The following PICALM variants were observed in gnomAD, a reference collection of about 807,000 sequenced individuals.
PICALM encodes phosphatidylinositol binding clathrin assembly protein.
In PICALM, 40 loss-of-function variants were observed where a neutral mutation model predicts 80.5. That is an observed-to-expected ratio of 0.50 (90% CI 0.39 to 0.65). The LOEUF (loss-of-function observed/expected upper bound fraction) is 0.65, where lower values mean the gene tolerates loss of function less well. PICALM is among the 30% of genes least tolerant of loss of function. The probability of loss-of-function intolerance (pLI) is 0.00; values close to 1 mark genes in which losing one functional copy is unlikely to be tolerated. For synonymous variants in PICALM, 288 were observed against 260.3 expected (o/e 1.11, Z -1.02); for missense variants, 676 against 778.9 (o/e 0.87, Z 1.57).
At chr11:86,068,371 G>T (rs986993493) in intron 1 of PICALM, among the ~76,000 whole-genome samples, 2 of 152,124 alleles carry the variant, frequency 1.3e-5, no homozygotes. Flanking sequence ...AAGTTGGTTG[G>T]GTATGATGGG....
intron 1 of PICALM, among the ~76,000 whole-genome samples, chr11:86,064,577 A>T (rs1357411571): frequency 6.6e-6 from 1 of 151,482 alleles, no homozygotes; most frequent in Non-Finnish European, 1.5e-5. Flanking sequence ...GAACCCGGGA[A>T]GTCAAGGCTG....
chr11:85,981,531 C>T lies in PICALM; in HGVS notation c.1679+214G>A, dbSNP rs553349833. ...CTGAGGCAGAAGAACGGCGTGAATC[C>T]GGGAGGCGGAGCTTGCAGTGGGCCG... On this transcript the variant is annotated intron_variant, in intron 16 of 19. Coordinates refer to ENST00000393346, the MANE Select transcript of PICALM (RefSeq NM_007166.4). 7.3e-5 allele frequency among the ~76,000 whole-genome samples: 11 copies of T among 151,584 alleles called. No homozygotes were observed. The South Asian group carries it at 1.7e-3, about 23-fold the overall frequency.
At chr11:86,007,970 A>T (rs919538071) in intron 7 of PICALM, among the ~76,000 whole-genome samples, 4 of 151,958 alleles carry the variant, frequency 2.6e-5, no homozygotes, top group Admixed American at 1.3e-4. Context: ...AAAAAAAAAA[A>T]TTTAAGAAAC....
At chr11:85,999,850 TAAAAAC>T (rs914114441) in intron 11 of PICALM, among the ~76,000 whole-genome samples, 1 of 152,212 alleles carries the variant, frequency 6.6e-6, no homozygotes, top group African/African-American at 2.4e-5. Context: ...GGGAGCATCT[TAAAAAC>T]AAAAATTCTT....
intron 13 of PICALM, among the ~76,000 whole-genome samples, chr11:85,986,425 C>T (rs1349695806): frequency 1.6e-5 from 2 of 127,098 alleles, no homozygotes; most frequent in Non-Finnish European, 3.1e-5. Context: ...GCTCTGTCAC[C>T]CAGGCCGGAC....
intron 19 of PICALM, among the ~76,000 whole-genome samples, chr11:85,961,850 T>C (rs2093698577): frequency 7.1e-6 from 1 of 139,880 alleles, no homozygotes; most frequent in Admixed American, 7.4e-5. Flanking sequence ...TTCATTTCTT[T>C]CTACCTATTT....
At chr11:85,980,784 G>A (rs916528468) in intron 17 of PICALM, among the ~76,000 whole-genome samples, 4 of 152,142 alleles carry the variant, frequency 2.6e-5, no homozygotes, top group Admixed American at 2.0e-4. Context: ...TAAGATCTCT[G>A]TAATCCTGAG....
chr11:85,998,983 CAAT>C (rs2095061421), intron 11 of PICALM, among the ~76,000 whole-genome samples: 1 of 152,134 alleles, frequency 6.6e-6, no homozygotes, highest in Admixed American at 6.5e-5. Flanking sequence ...AATGGATATA[CAAT>C]AATTGTACAT....
chr11:85,996,988 T>G, intron 11 of PICALM, 59 bp from the exon 12 acceptor site: 4 of 958,258 alleles, frequency 4.2e-6, no homozygotes, highest in Non-Finnish European at 6.7e-6. Flanking sequence ...TACTTTAGTG[T>G]CACCTTCTCC....
intron 7 of PICALM, among the ~76,000 whole-genome samples, chr11:86,008,118 A>G (rs751786386): frequency 3.9e-5 from 6 of 152,322 alleles, no homozygotes; most frequent in South Asian, 2.1e-4. Flanking sequence ...TAATCAGGAT[A>G]TAACTGTCTT....
intron 12 of PICALM, among the ~76,000 whole-genome samples, chr11:85,992,126 G>T (rs554882215): frequency 6.6e-6 from 1 of 152,066 alleles, no homozygotes; most frequent in Non-Finnish European, 1.5e-5. Context: ...GGGATTACAG[G>T]CATGAGCCAA....
intron 1 of PICALM, among the ~76,000 whole-genome samples, chr11:86,057,888 A>G (rs191438983): frequency 7.8e-4 from 119 of 152,262 alleles, no homozygotes; most frequent in African/African-American, 2.8e-3. Flanking sequence ...GGATTTTCTT[A>G]TCTGTGGGAG....
chr11:85,977,114 A>C (rs1170833248), intron 17 of PICALM: 1 of 153,404 alleles, frequency 6.5e-6, no homozygotes, highest in African/African-American at 2.4e-5. Flanking sequence ...AAAAAATGTA[A>C]AGATCTCAAA....
At chr11:86,034,235 T>C (rs1487394025) in intron 1 of PICALM, among the ~76,000 whole-genome samples, 1 of 152,168 alleles carries the variant, frequency 6.6e-6, no homozygotes, top group African/African-American at 2.4e-5. Flanking sequence ...GGGGAGGATA[T>C]TGAATAAAAT....
At chr11:86,035,210 G>A (rs1035771639) in intron 1 of PICALM, among the ~76,000 whole-genome samples, 8 of 151,570 alleles carry the variant, frequency 5.3e-5, no homozygotes, top group Non-Finnish European at 1.2e-4. Context: ...TATTCCTAGT[G>A]TAGGCCTTTA....
chr11:86,022,836 A>T (rs1397714271), intron 3 of PICALM, among the ~76,000 whole-genome samples: 1 of 152,124 alleles, frequency 6.6e-6, no homozygotes, highest in East Asian at 1.9e-4. Flanking sequence ...CCACAATCCC[A>T]TTCCTCAAAT....
chr11:86,065,033 TGA>T (rs1335749152), intron 1 of PICALM, among the ~76,000 whole-genome samples: 1 of 152,110 alleles, frequency 6.6e-6, no homozygotes, highest in Admixed American at 6.5e-5. Flanking sequence ...CAGTGAGCCA[TGA>T]TCCTGCCACT....
intron 3 of PICALM, among the ~76,000 whole-genome samples, chr11:86,024,542 G>C (rs2095619306): frequency 6.7e-6 from 1 of 149,410 alleles, no homozygotes; most frequent in South Asian, 2.1e-4. Context: ...GCATCTTCAA[G>C]ATTTGGTTTA....
At chr11:86,015,695 CTTA>C (rs1169868084) in intron 4 of PICALM, among the ~76,000 whole-genome samples, 2 of 152,130 alleles carry the variant, frequency 1.3e-5, no homozygotes, top group Admixed American at 1.3e-4. Flanking sequence ...ATATTAAGAG[CTTA>C]TTATATATCA....
Sources: gnomAD v4.1 joint callset for allele counts (sites outside exome capture counted in the v4.1 genomes callset) on GRCh38, gnomAD v4.1.1 for gene constraint, MANE v1.5 for transcripts, NCBI Gene and HGNC (gene_info 2026-07-23, HGNC 2026-07-21) for gene names.